Variants in NDUFB7 observed in about 807,000 individuals in gnomAD.
NDUFB7 encodes the protein NADH dehydrogenase [ubiquinone] 1 beta subcomplex subunit 7.
Under a neutral mutation model 14.7 loss-of-function variants are expected in NDUFB7, and 18 were observed. The ratio of observed to expected loss-of-function variants is 1.22; its 90% CI spans 0.85 to 1.81. The LOEUF (loss-of-function observed/expected upper bound fraction) is 1.81. Among genes scored for constraint, NDUFB7 ranks in the 40% most tolerant of loss-of-function variants. The pLI, the probability that NDUFB7 is intolerant of heterozygous loss-of-function variation, is 0.00. For missense variants in NDUFB7, 219 were observed against 195.0 expected (o/e 1.12, Z -0.73); for synonymous variants, 86 against 76.1 (o/e 1.13, Z -0.68).
intron 1 of NDUFB7, among the ~76,000 whole-genome samples, chr19:14,568,729 T>C (rs990599222): frequency 1.3e-5 from 2 of 151,746 alleles, no homozygotes; most frequent in Admixed American, 6.6e-5. Flanking sequence ...CAGAAAAAAA[T>C]AAAATTATCT....
At chr19:14,569,591 G>T (rs1345470327) in intron 1 of NDUFB7, among the ~76,000 whole-genome samples, 1 of 152,218 alleles carries the variant, frequency 6.6e-6, no homozygotes, top group African/African-American at 2.4e-5. Context: ...TTGCAAAGCT[G>T]ATCTTGGGGA....
chr19:14,567,389 C>A lies in NDUFB7; in HGVS notation c.113-456G>T, dbSNP rs916981784. 1.5e-4 allele frequency among the ~76,000 whole-genome samples: 20 copies of A among 131,214 alleles called. No homozygotes were observed. The highest frequency in any genetic ancestry group is 9.9e-4 in the South Asian group (4 of 4,058). The allele number at this position is 131,214 out of a possible 152,430, so 86.1% of individuals were successfully genotyped here. ...GCAACCCACCCAAGGCCCAGCTCTGCACTGGCCGGCGGCGTGGCCTCTCTC... is the reference window on the plus strand; with the variant it reads ...GCAACCCACCCAAGGCCCAGCTCTGAACTGGCCGGCGGCGTGGCCTCTCTC... On this transcript the variant is annotated intron_variant, in intron 1 of 2. Coordinates refer to ENST00000215565, the MANE Select transcript of NDUFB7 (RefSeq NM_004146.6). The surrounding 1 kb of genome is among the most constrained non-coding windows in gnomAD (Gnocchi z 5.1).
chr19:14,568,493 T>C (rs1330923187), intron 1 of NDUFB7, among the ~76,000 whole-genome samples: 1 of 152,180 alleles, frequency 6.6e-6, no homozygotes, highest in Non-Finnish European at 1.5e-5. Context: ...GTGGCAATCC[T>C]AGACTCCTCC....
At chr19:14,568,292 A>G (rs1396681121) in intron 1 of NDUFB7, among the ~76,000 whole-genome samples, 5 of 152,066 alleles carry the variant, frequency 3.3e-5, no homozygotes, top group Non-Finnish European at 7.4e-5. Context: ...TGATCCACCC[A>G]CCTTGGCCTC....
At position 14,566,871 on chromosome 19, in the gene NDUFB7, A is replaced by G; in HGVS notation, c.175T>C (p.Cys59Arg). 6.3e-7 allele frequency: 1 copy of G among 1,575,922 alleles called. No homozygotes were observed. ...AQLRLQLRDY[C>R]AHHLIRLLKC... The stretch of plus-strand genomic sequence containing the variant: ...AGCAGCCGGATGAGGTGGTGGGCGC[A>G]GTAGTCCCGCAGCTGGAGCCTCAGC... The change falls in exon 2 of 3, where the codon TGC (cysteine) becomes CGC (arginine). Residue 59 changes from cysteine (C) to arginine (R), a missense_variant. Coordinates refer to ENST00000215565, the MANE Select transcript of NDUFB7 (RefSeq NM_004146.6).
Position 14,571,805 on chromosome 19 carries a change from C to T in NDUFB7, c.112+84G>A, listed in dbSNP as rs960395403. ...TACAACACCTGAGGTTAGAGCCCAG[C>T]CCTGGGGTGCCAGCCCTGGGGTGCC... On this transcript the variant is annotated intron_variant, in intron 1 of 2. Transcript: ENST00000215565. The T allele has an allele frequency of 8.5e-6, 11 of 1,289,776 alleles. No homozygotes were observed. In the African/African-American group the frequency reaches 1.2e-4, roughly 14 times the overall value. The allele number at this position is 1,289,776 out of a possible 1,614,324, so 79.9% of individuals were successfully genotyped here. A position where few individuals can be genotyped will look rare whatever the true frequency, so the allele number is the denominator to read the frequency against.
Position 14,566,255 on chromosome 19 carries a change from G to C in NDUFB7, c.292C>G (p.Arg98Gly). Residue 98 changes from arginine to glycine, a missense_variant, in exon 3 of 3, where the codon CGC (arginine) becomes GGC (glycine). Transcript: ENST00000215565. ...DYCEHRDYVMRMKEFERERRL... is the reference protein window; with the variant it reads ...DYCEHRDYVMGMKEFERERRL... ...CGCTCCCGCTCAAACTCCTTCATGC[G>C]CATCACATAGCTGGGGGAAAAGCAC... is the stretch of plus-strand genomic sequence containing the variant. The C allele has an allele frequency of 5.0e-6, 8 of 1,614,004 alleles. No individual in the cohort carries two copies. Among genetic ancestry groups the C allele is most frequent in the Non-Finnish European group, 5.9e-6 (7 of 1,180,004 alleles).
At chr19:14,566,314 G>T (rs755336440) in intron 2 of NDUFB7, 49 bp from the exon 3 acceptor site, 2 of 1,610,528 alleles carry the variant, frequency 1.2e-6, no homozygotes, top group African/African-American at 1.3e-5. Context: ...GCCAGGACAC[G>T]CCCCCCAAGC....
chr19:14,568,045 G>A (rs1029286363), intron 1 of NDUFB7, among the ~76,000 whole-genome samples: 9 of 152,040 alleles, frequency 5.9e-5, no homozygotes, highest in Admixed American at 5.2e-4. Context: ...TGTTCTGGGA[G>A]CCTTTTTCTT....
At chr19:14,566,421 G>A (rs1009478982) in intron 2 of NDUFB7, among the ~76,000 whole-genome samples, 156 bp from the exon 3 acceptor site, 2 of 151,934 alleles carry the variant, frequency 1.3e-5, no homozygotes, top group African/African-American at 4.8e-5. Context: ...GTCTGCCCAC[G>A]CAGGTGGCAG....
chr19:14,567,406 G>C lies in NDUFB7; in HGVS notation c.113-473C>G, dbSNP rs1404478959. On this transcript the variant is annotated intron_variant, in intron 1 of 2. Transcript: ENST00000215565. The surrounding 1 kb of genome is among the most constrained non-coding windows in gnomAD (Gnocchi z 5.1). ...CAGCTCTGCACTGGCCGGCGGCGTG[G>C]CCTCTCTCTCAGCCTCAGAACTGAC... 1.0e-5 allele frequency among the ~76,000 whole-genome samples: 1 copy of C among 97,342 alleles called. No individual in the cohort carries two copies. Among genetic ancestry groups the C allele is most frequent in the East Asian group, 2.3e-4 (1 of 4,362 alleles). The allele number at this position is 97,342 out of a possible 152,430, so 63.9% of individuals were successfully genotyped here.
At chr19:14,566,623 A>T in intron 2 of NDUFB7, 142 bp downstream of exon 2, 2 of 570,612 alleles carry the variant, frequency 3.5e-6, no homozygotes, top group Non-Finnish European at 5.7e-6. Flanking sequence ...GGTGGGGTGC[A>T]GGCTGTGGGT....
intron 2 of NDUFB7, 136 bp downstream of exon 2, chr19:14,566,629 T>C (rs1325557079): frequency 1.2e-5 from 6 of 502,370 alleles, no homozygotes; most frequent in South Asian, 3.9e-5. Flanking sequence ...GTGCAGGCTG[T>C]GGGTGTTGGC....
At position 14,567,997 on chromosome 19, in the gene NDUFB7, G is replaced by A. The variant is rs765603463; in HGVS notation, c.113-1064C>T. Among the ~76,000 whole-genome samples the A allele has an allele frequency of 6.6e-6, 1 of 151,994 alleles. No homozygotes were observed. The highest frequency in any genetic ancestry group is 1.5e-5 in the Non-Finnish European group (1 of 67,998). On this transcript the variant is annotated intron_variant, in intron 1 of 2. Transcript: ENST00000215565. The surrounding 1 kb of genome is among the most constrained non-coding windows in gnomAD (Gnocchi z 5.1). Reference sequence around the variant, plus strand: ...CTCCTCCCACATCCCTCCTCCCCAGGTTTCCTCCCATCTCTATGGCTGCCT... The same window carrying A: ...CTCCTCCCACATCCCTCCTCCCCAGATTTCCTCCCATCTCTATGGCTGCCT...
At position 14,567,077 on chromosome 19, in the gene NDUFB7, T is replaced by C; in HGVS notation, c.113-144A>G. On this transcript the variant is annotated intron_variant, in intron 1 of 2. Transcript: ENST00000215565. This position sits in a 1 kb window ranked among gnomAD's most constrained non-coding sequence, Gnocchi z 5.1. ...CATCCAGATGGCAGTGGATGGCAGA[T>C]GCCTTTGACGGATGCACTGTCCTGA... is the stretch of plus-strand genomic sequence containing the variant. 1 of 816,368 alleles carries C rather than the reference T, an allele frequency of 1.2e-6. No individual in the cohort carries two copies. The highest frequency in any genetic ancestry group is 1.7e-5 in the South Asian group (1 of 57,204). The allele number at this position is 816,368 out of a possible 1,614,324, so 50.6% of individuals were successfully genotyped here.
In NDUFB7 at chr19:14,570,780, C is replaced by T. The variant is rs955272135; in HGVS notation, c.112+1109G>A. Among the ~76,000 whole-genome samples the T allele has an allele frequency of 3.3e-5, 5 of 152,312 alleles. No homozygotes were observed. In the East Asian group the frequency reaches 5.8e-4, roughly 18 times the overall value. On this transcript the variant is annotated intron_variant, in intron 1 of 2. Transcript: ENST00000215565. Reference sequence around the variant, plus strand: ...TCCCTCCAGTTCCCTGCTGTATCCGCGGTGCCTAATGTGGGACGTGGCCCA... The same window carrying T: ...TCCCTCCAGTTCCCTGCTGTATCCGTGGTGCCTAATGTGGGACGTGGCCCA...
At chr19:14,571,318 G>A (rs1354031033) in intron 1 of NDUFB7, among the ~76,000 whole-genome samples, 1 of 152,084 alleles carries the variant, frequency 6.6e-6, no homozygotes, top group African/African-American at 2.4e-5. Context: ...GCCCGAGGCC[G>A]GGCGTGGTGA....
At chr19:14,571,191 G>A (rs8100848) in intron 1 of NDUFB7, among the ~76,000 whole-genome samples, 5,042 of 152,244 alleles carry the variant, frequency 0.033, 109 homozygotes, top group East Asian at 0.081. Context: ...GACAGTATTT[G>A]CAGCTCGAAT....
At chr19:14,569,237 A>G (rs1001822836) in intron 1 of NDUFB7, among the ~76,000 whole-genome samples, 5 of 152,088 alleles carry the variant, frequency 3.3e-5, no homozygotes, top group Admixed American at 3.3e-4. Context: ...CAGGCACCAT[A>G]AAGAGTCCAC....
Sources: allele counts gnomAD v4.1 joint callset (sites outside exome capture counted in the v4.1 genomes callset), GRCh38; gene constraint gnomAD v4.1.1; non-coding constraint Gnocchi (gnomAD v3.1); transcripts MANE v1.5; gene names NCBI Gene and HGNC (gene_info 2026-07-23, HGNC 2026-07-21).